OSBPL1A: variants seen among roughly 807,000 people sequenced by gnomAD.
OSBPL1A encodes the protein oxysterol binding protein like 1A.
OSBPL1A carries 80 observed loss-of-function variants against 137.1 expected under a neutral mutation model. That is an observed-to-expected ratio of 0.58 (90% CI 0.49 to 0.70). OSBPL1A has a LOEUF of 0.70. Among genes scored for constraint, OSBPL1A ranks in the 30% least tolerant of loss-of-function variants. OSBPL1A has a pLI of 0.00. For synonymous variants in OSBPL1A, 365 were observed against 389.7 expected, an observed-to-expected ratio of 0.94 and a Z score of 0.75; for missense variants, 970 against 1,129.4, an observed-to-expected ratio of 0.86 and a Z score of 2.02.
At chr18:24,194,892 T>C (rs1599470493) in intron 18 of OSBPL1A, among the ~76,000 whole-genome samples, 1 of 152,204 alleles carries the variant, frequency 6.6e-6, no homozygotes, top group Non-Finnish European at 1.5e-5. Flanking sequence ...TTACTCTCCA[T>C]GCAGGAGTCA....
intron 7 of OSBPL1A, chr18:24,321,627 G>A (rs1160586118): frequency 8.6e-5 from 42 of 490,384 alleles, no homozygotes; most frequent in African/African-American, 2.4e-4. Context: ...CTATGAGGAC[G>A]TGGCCCCACA....
At chr18:24,263,603 C>A (rs2089495196) in intron 15 of OSBPL1A, among the ~76,000 whole-genome samples, 1 of 152,084 alleles carries the variant, frequency 6.6e-6, no homozygotes, top group Non-Finnish European at 1.5e-5. Flanking sequence ...ATATTCTTGA[C>A]ACAAAACCAT....
intron 16 of OSBPL1A, among the ~76,000 whole-genome samples, chr18:24,225,962 C>A (rs998581403): frequency 3.3e-5 from 5 of 152,030 alleles, no homozygotes; most frequent in African/African-American, 1.2e-4. Context: ...AGAGTGAGAC[C>A]CTGTCTCTAT....
intron 1 of OSBPL1A, among the ~76,000 whole-genome samples, chr18:24,382,809 G>A (rs1197191354): frequency 6.6e-6 from 1 of 152,120 alleles, no homozygotes; most frequent in African/African-American, 2.4e-5. Flanking sequence ...TCAGGAAGTT[G>A]AGACTGCAGT....
intron 18 of OSBPL1A, among the ~76,000 whole-genome samples, chr18:24,188,273 C>T (rs1243828523): frequency 5.9e-5 from 9 of 152,224 alleles, no homozygotes; most frequent in Non-Finnish European, 1.3e-4. Context: ...CATTTCTCCA[C>T]ATCCAGCTCC....
intron 16 of OSBPL1A, among the ~76,000 whole-genome samples, chr18:24,226,887 A>AT (rs5823416): frequency 0.36 from 36,480 of 101,022 alleles, 6,757 homozygotes; most frequent in Non-Finnish European, 0.4. Context: ...AAAGAAACAG[A>AT]TTTTTTTTTT....
chr18:24,318,715 A>C, intron 8 of OSBPL1A, 33 bp downstream of exon 8: 1 of 1,595,266 alleles, frequency 6.3e-7, no homozygotes, highest in Non-Finnish European at 8.5e-7. Context: ...TTTTCTAAAA[A>C]TTATTAGATA....
chr18:24,347,437 G>C (rs2091364054), intron 4 of OSBPL1A, among the ~76,000 whole-genome samples: 1 of 152,106 alleles, frequency 6.6e-6, no homozygotes, highest in African/African-American at 2.4e-5. Context: ...CGCCCGTCTT[G>C]GCCTCTCAAA....
At chr18:24,315,665 AATAT>A (rs1038832683) in intron 11 of OSBPL1A, among the ~76,000 whole-genome samples, 1 of 131,142 alleles carries the variant, frequency 7.6e-6, no homozygotes, top group African/African-American at 2.9e-5. Flanking sequence ...ATTATAATAT[AATAT>A]ATAATATATA....
intron 16 of OSBPL1A, among the ~76,000 whole-genome samples, chr18:24,234,282 T>C (rs1042218097): frequency 1.3e-5 from 2 of 152,216 alleles, no homozygotes; most frequent in African/African-American, 2.4e-5. Context: ...AAGTGTTCCC[T>C]TACAGCTATA....
chr18:24,258,090 C>G (rs1419941579), intron 15 of OSBPL1A, among the ~76,000 whole-genome samples: 2 of 152,270 alleles, frequency 1.3e-5, no homozygotes, highest in Admixed American at 6.5e-5. Flanking sequence ...AAAGCTACCC[C>G]ATACGACCCA....
intron 17 of OSBPL1A, among the ~76,000 whole-genome samples, chr18:24,212,540 C>T (rs2087576336): frequency 6.6e-6 from 1 of 152,086 alleles, no homozygotes; most frequent in Admixed American, 6.5e-5. Flanking sequence ...TTTTCATATT[C>T]TCTTAACATT....
chr18:24,246,492 G>C (rs997761021), intron 15 of OSBPL1A, among the ~76,000 whole-genome samples: 2 of 151,768 alleles, frequency 1.3e-5, no homozygotes, highest in Non-Finnish European at 2.9e-5. Context: ...GCCAAGAGTA[G>C]AATAAAAGAA....
At chr18:24,394,486 C>A (rs1907591468) in intron 1 of OSBPL1A, among the ~76,000 whole-genome samples, 1 of 152,152 alleles carries the variant, frequency 6.6e-6, no homozygotes, top group South Asian at 2.1e-4. Context: ...ATTCTGAAAA[C>A]TATTTACTAC....
At chr18:24,203,591 T>C (rs2087282902) in intron 17 of OSBPL1A, among the ~76,000 whole-genome samples, 1 of 152,242 alleles carries the variant, frequency 6.6e-6, no homozygotes, top group Admixed American at 6.5e-5. Context: ...GTTTTATTTT[T>C]AATGTAGTCT....
At chr18:24,375,896 C>T (rs980029816) in intron 2 of OSBPL1A, among the ~76,000 whole-genome samples, 4 of 151,922 alleles carry the variant, frequency 2.6e-5, no homozygotes, top group East Asian at 1.9e-4. Context: ...AGAATGAAGC[C>T]GCGGACCCTC....
chr18:24,382,454 G>GT (rs1906666826), intron 1 of OSBPL1A, among the ~76,000 whole-genome samples: 1 of 150,710 alleles, frequency 6.6e-6, no homozygotes, highest in Non-Finnish European at 1.5e-5. Context: ...GTGTGAGCCT[G>GT]TAGTCCCAGC....
chr18:24,192,774 A>T (rs1342424478), intron 18 of OSBPL1A, among the ~76,000 whole-genome samples: 1 of 152,236 alleles, frequency 6.6e-6, no homozygotes, highest in African/African-American at 2.4e-5. Flanking sequence ...CCTAGACCAT[A>T]TCTGGCAGAT....
intron 15 of OSBPL1A, among the ~76,000 whole-genome samples, chr18:24,248,925 G>A (rs1441202102): frequency 6.6e-6 from 1 of 152,142 alleles, no homozygotes; most frequent in African/African-American, 2.4e-5. Flanking sequence ...TAACAAATAC[G>A]TTTTAGTTTT....
Sources: allele counts gnomAD v4.1 joint callset (sites outside exome capture counted in the v4.1 genomes callset), GRCh38; gene constraint gnomAD v4.1.1; transcripts MANE v1.5; gene names NCBI Gene and HGNC (gene_info 2026-07-23, HGNC 2026-07-21).